The following DACH2 variants were observed in gnomAD, a reference collection of about 807,000 sequenced individuals.
The protein encoded by DACH2 is dachshund family transcription factor 2, also known as dachshund homolog 2.
DACH2 carries 17 observed loss-of-function variants against 35.8 expected under a neutral mutation model. The ratio of observed to expected loss-of-function variants is 0.48; its 90% CI spans 0.33 to 0.71. The LOEUF (loss-of-function observed/expected upper bound fraction) is 0.71, where lower values mean the gene tolerates loss of function less well. Among genes scored for constraint, DACH2 ranks in the 30% least tolerant of loss-of-function variants. The pLI is 0.02. For missense variants in DACH2, 469 were observed against 472.7 expected (o/e 0.99, Z 0.07); for synonymous variants, 195 against 177.3 (o/e 1.10, Z -0.79).
chrX:86,208,961 A>C (rs2032381377), intron 1 of DACH2, among the ~76,000 whole-genome samples: 2 of 111,569 alleles, frequency 1.8e-5, no homozygotes, highest in African/African-American at 6.5e-5. Context: ...AAAGCATTTC[A>C]GTTGATCATG....
chrX:86,597,267 G>A (rs1271746456), intron 3 of DACH2, among the ~76,000 whole-genome samples: 1 of 111,713 alleles, frequency 9.0e-6, no homozygotes, highest in Non-Finnish European at 1.9e-5. Flanking sequence ...CATGAACACA[G>A]GATGTCTTTC....
chrX:86,805,562 T>C (rs1170579463), intron 7 of DACH2, among the ~76,000 whole-genome samples: 2 of 111,961 alleles, frequency 1.8e-5, no homozygotes, highest in African/African-American at 6.5e-5. Context: ...AATGGGCTTT[T>C]TTTTTTTTCC....
At chrX:86,185,033 C>A (rs1319279554) in intron 1 of DACH2, among the ~76,000 whole-genome samples, 2 of 111,744 alleles carry the variant, frequency 1.8e-5, no homozygotes, top group African/African-American at 3.3e-5. Context: ...AATATATCAT[C>A]TGTTGTTGCA....
intron 11 of DACH2, among the ~76,000 whole-genome samples, chrX:86,821,089 C>T (rs780317576): frequency 9.0e-6 from 1 of 110,994 alleles, no homozygotes; most frequent in African/African-American, 3.3e-5. Flanking sequence ...ATAGACTTTT[C>T]TAATTTCCTC....
At chrX:86,466,745 A>G (rs1340379392) in intron 2 of DACH2, among the ~76,000 whole-genome samples, 1 of 111,321 alleles carries the variant, frequency 9.0e-6, no homozygotes, top group East Asian at 2.8e-4. Context: ...AGGTTCCCAA[A>G]CCTCAATTCT....
At chrX:86,799,753 T>C (rs2042273576) in intron 7 of DACH2, among the ~76,000 whole-genome samples, 1 of 112,324 alleles carries the variant, frequency 8.9e-6, no homozygotes, top group Admixed American at 9.5e-5. Context: ...CCAGAGTAAA[T>C]TTTTTTAAAG....
chrX:86,407,878 T>C (rs1394804073), intron 2 of DACH2, among the ~76,000 whole-genome samples: 1 of 112,345 alleles, frequency 8.9e-6, no homozygotes, highest in Non-Finnish European at 1.9e-5. Flanking sequence ...CTTTCTGGTA[T>C]CACAACCCAT....
At chrX:86,508,325 G>A (rs753867712) in intron 2 of DACH2, among the ~76,000 whole-genome samples, 29 of 110,849 alleles carry the variant, frequency 2.6e-4, no homozygotes, top group African/African-American at 9.2e-4. Flanking sequence ...TTGGGAGGCC[G>A]AGGCGGGCGG....
intron 2 of DACH2, among the ~76,000 whole-genome samples, chrX:86,461,709 C>T (rs1001772531): frequency 3.6e-5 from 4 of 111,273 alleles, no homozygotes; most frequent in African/African-American, 6.5e-5. Flanking sequence ...TTGTAAATGT[C>T]AGCAAAATGT....
chrX:86,569,618 T>A (rs976363182), intron 3 of DACH2, among the ~76,000 whole-genome samples: 17 of 110,830 alleles, frequency 1.5e-4, no homozygotes, highest in African/African-American at 5.6e-4. Context: ...TTTATCCTTC[T>A]TCTAAAACTA....
chrX:86,253,180 AT>A (rs1054851454), intron 1 of DACH2, among the ~76,000 whole-genome samples: 5 of 111,021 alleles, frequency 4.5e-5, no homozygotes, highest in East Asian at 2.8e-4. Flanking sequence ...CTGCAAAAAA[AT>A]AAATTAAAAA....
intron 2 of DACH2, among the ~76,000 whole-genome samples, chrX:86,451,533 C>A (rs1392867893): frequency 3.6e-5 from 4 of 111,216 alleles, no homozygotes; most frequent in East Asian, 2.8e-4. Context: ...ATTGTCTGGG[C>A]TTTTTGGGCT....
At chrX:86,334,491 C>T (rs1191514116) in intron 1 of DACH2, among the ~76,000 whole-genome samples, 2 of 112,181 alleles carry the variant, frequency 1.8e-5, no homozygotes, top group Non-Finnish European at 3.8e-5. Context: ...TTTTGATTTG[C>T]ATTTCTCTAA....
chrX:86,178,947 C>G (rs1229222448), intron 1 of DACH2, among the ~76,000 whole-genome samples: 2 of 111,839 alleles, frequency 1.8e-5, no homozygotes, highest in Non-Finnish European at 3.8e-5. Context: ...ACTAAATTAA[C>G]TGGTTGACTG....
intron 6 of DACH2, among the ~76,000 whole-genome samples, chrX:86,718,049 G>A (rs1185587205): frequency 9.1e-6 from 1 of 109,699 alleles, no homozygotes; most frequent in Non-Finnish European, 1.9e-5. Context: ...TGGATTGAGT[G>A]GTAGTTCTAT....
chrX:86,466,208 G>C (rs986421521), intron 2 of DACH2, among the ~76,000 whole-genome samples: 15 of 111,517 alleles, frequency 1.3e-4, no homozygotes, highest in African/African-American at 4.6e-4. Flanking sequence ...AAAACCATCA[G>C]ACCTTGTAAG....
chrX:86,475,887 G>A (rs1179927289), intron 2 of DACH2, among the ~76,000 whole-genome samples: 1 of 111,615 alleles, frequency 9.0e-6, no homozygotes, highest in Non-Finnish European at 1.9e-5. Context: ...TATCATAAAA[G>A]GATGTTGAGT....
At chrX:86,526,955 C>G (rs1429824757) in intron 3 of DACH2, among the ~76,000 whole-genome samples, 3 of 110,045 alleles carry the variant, frequency 2.7e-5, no homozygotes, top group Admixed American at 9.8e-5. Context: ...ATAGAAAACC[C>G]TTTCTCCCTT....
intron 1 of DACH2, among the ~76,000 whole-genome samples, chrX:86,268,490 A>ATTTAT (rs200042636): frequency 0.18 from 13,652 of 77,041 alleles, 1,436 homozygotes; most frequent in Middle Eastern, 0.26. Context: ...CATTTAAAAC[A>ATTTAT]TTTATTTTAT....
Sources: gnomAD v4.1 joint callset for allele counts (sites outside exome capture counted in the v4.1 genomes callset) on GRCh38, gnomAD v4.1.1 for gene constraint, MANE v1.5 for transcripts, NCBI Gene and HGNC (gene_info 2026-07-23, HGNC 2026-07-21) for gene names.